Variants in TRMT44 observed in about 807,000 individuals in gnomAD.
TRMT44 encodes probable tRNA (uracil-O(2)-)-methyltransferase.
TRMT44 carries 78 observed loss-of-function variants against 77.3 expected under a neutral mutation model. The ratio of observed to expected loss-of-function variants is 1.01; its 90% CI spans 0.84 to 1.22. The LOEUF (loss-of-function observed/expected upper bound fraction) is 1.22. Among genes scored for constraint, TRMT44 ranks in the 50% most tolerant of loss-of-function variants. The pLI is 0.00. For missense variants in TRMT44, 1,090 were observed against 964.4 expected (o/e 1.13, Z -1.73); for synonymous variants, 391 against 383.3 (o/e 1.02, Z -0.23).
the TRMT44 span, among the ~76,000 whole-genome samples, chr4:8,499,783 C>T: frequency 0.014 from 2,171 of 152,154 alleles, 59 homozygotes; most frequent in African/African-American, 0.05. Context: ...GGAGGAGGGA[C>T]GGGTTCAGAA....
At chr4:8,449,044 C>T (rs540956330) in intron 2 of TRMT44, among the ~76,000 whole-genome samples, 2 of 152,330 alleles carry the variant, frequency 1.3e-5, no homozygotes, top group South Asian at 2.1e-4. Context: ...GTATCTGTCC[C>T]GCCAGTCCTC....
intron 8 of TRMT44, 56 bp downstream of exon 8, chr4:8,465,617 T>C: frequency 2.1e-6 from 3 of 1,462,502 alleles, no homozygotes; most frequent in Non-Finnish European, 2.8e-6. Flanking sequence ...GATGGAGAGC[T>C]CAGGGCTCTG....
At chr4:8,480,815 C>G (rs911031643), downstream of TRMT44, among the ~76,000 whole-genome samples, 4 of 152,114 alleles carry the variant, frequency 2.6e-5, no homozygotes, top group African/African-American at 7.2e-5. Context: ...TTATTTAACC[C>G]TATATATTAT....
In TRMT44 at chr4:8,461,537, C is replaced by T. The variant is rs551559772; in HGVS notation, c.1204-2448C>T. On this transcript the variant is annotated intron_variant, in intron 6 of 10. Coordinates refer to ENST00000389737, the MANE Select transcript of TRMT44 (RefSeq NM_152544.3). This position sits in a 1 kb window ranked among gnomAD's most constrained non-coding sequence, Gnocchi z 4.6. ...GCTGCTGAGGGTGCCCCTTGGAGAA[C>T]GGGCGGAGGCTCTAGTTCTTTAGCT... 9.9e-5 allele frequency among the ~76,000 whole-genome samples: 15 copies of T among 152,198 alleles called. No individual in the cohort carries two copies. The South Asian group carries it at 1.5e-3, about 15-fold the overall frequency.
chr4:8,496,631 G>C (rs1397252443), downstream of TRMT44, among the ~76,000 whole-genome samples: 1 of 152,116 alleles, frequency 6.6e-6, no homozygotes, highest in Non-Finnish European at 1.5e-5. Context: ...AATTGCTCAG[G>C]GTCACAGAGC....
At chr4:8,465,239 C>G (rs1245364458) in intron 7 of TRMT44, 139 bp from the exon 8 acceptor site, 2 of 821,668 alleles carry the variant, frequency 2.4e-6, no homozygotes, top group Non-Finnish European at 3.9e-6. Context: ...TTATATGCAA[C>G]AAAAAGAAAC....
At position 8,452,492 on chromosome 4, in the gene TRMT44, C is replaced by G. The variant is rs561265588; in HGVS notation, c.1024-390C>G. Among the ~76,000 whole-genome samples, 3 of 152,160 alleles carry G rather than the reference C, an allele frequency of 2.0e-5. No individual in the cohort carries two copies. Among genetic ancestry groups the G allele is most frequent in the Non-Finnish European group, 4.4e-5 (3 of 68,018 alleles). On this transcript the variant is annotated intron_variant, in intron 4 of 10. Coordinates refer to ENST00000389737, the MANE Select transcript of TRMT44 (RefSeq NM_152544.3). The surrounding 1 kb of genome is among the most constrained non-coding windows in gnomAD (Gnocchi z 5.7). ...CTCAAGCCTGTAATTCCCAGCACTT[C>G]GGGAGGCCGAGGCGGGCAGATCACT...
chr4:8,502,770 G>T, the TRMT44 span, among the ~76,000 whole-genome samples: 1 of 152,224 alleles, frequency 6.6e-6, no homozygotes, highest in African/African-American at 2.4e-5. Context: ...TGCCTTGGTG[G>T]ATGCTATTGG....
Position 8,446,570 on chromosome 4 carries a change from C to A in TRMT44, c.714C>A (p.Leu238=), listed in dbSNP as rs776548410. Residue 238 remains leucine (L), a synonymous_variant, in exon 2 of 11, where the codon CTC becomes CTA. Coordinates refer to ENST00000389737, the MANE Select transcript of TRMT44 (RefSeq NM_152544.3). This position sits in a 1 kb window ranked among gnomAD's most constrained non-coding sequence, Gnocchi z 4.3. ...VKMSNVYQIQ[L]SHSKEEWFIS... is the part of the protein sequence containing the mutation. ...TGAGCAATGTGTATCAAATTCAGCT[C>A]AGTCATAGCAAAGAAGAATGGTAAG... 1.3e-5 allele frequency: 20 copies of A among 1,535,390 alleles called. No homozygotes were observed. In the South Asian group the frequency reaches 2.4e-4, roughly 18 times the overall value.
At chr4:8,455,623 A>G (rs149913898) in intron 6 of TRMT44, among the ~76,000 whole-genome samples, 117 of 152,348 alleles carry the variant, frequency 7.7e-4, no homozygotes, top group African/African-American at 2.6e-3. Context: ...TTTAAAAAAT[A>G]ATATTTGTGA....
At chr4:8,447,223 C>G (rs1445797325) in intron 2 of TRMT44, among the ~76,000 whole-genome samples, 1 of 152,108 alleles carries the variant, frequency 6.6e-6, no homozygotes, top group Non-Finnish European at 1.5e-5. Context: ...GGTGATGGTT[C>G]CTTCTGTAGT....
At chr4:8,464,379 C>T (rs553490450) in intron 7 of TRMT44, among the ~76,000 whole-genome samples, 1 of 152,302 alleles carries the variant, frequency 6.6e-6, no homozygotes, top group East Asian at 1.9e-4. Flanking sequence ...GTGATTACTT[C>T]TACGGTATTT....
chr4:8,487,306 G>C (rs2109225895), intron 2 of TRMT44, among the ~76,000 whole-genome samples: 1 of 152,228 alleles, frequency 6.6e-6, no homozygotes, highest in Middle Eastern at 3.4e-3. Context: ...GAGGAATGGA[G>C]GGTGGAAGGT....
At chr4:8,485,034 C>A (rs945471794) in intron 2 of TRMT44, among the ~76,000 whole-genome samples, 1 of 152,038 alleles carries the variant, frequency 6.6e-6, no homozygotes, top group African/African-American at 2.4e-5. Flanking sequence ...AAAGGAGGGG[C>A]TACAAAGAAG....
intron 2 of TRMT44, among the ~76,000 whole-genome samples, chr4:8,490,640 C>G (rs540518305): frequency 3.5e-4 from 54 of 152,198 alleles, no homozygotes; most frequent in African/African-American, 1.2e-3. Flanking sequence ...TGCAGACCTT[C>G]GCGGTGAGTG....
intron 2 of TRMT44, among the ~76,000 whole-genome samples, chr4:8,447,885 A>G (rs935205605): frequency 6.6e-6 from 1 of 152,150 alleles, no homozygotes; most frequent in Non-Finnish European, 1.5e-5. Flanking sequence ...ATTAGCCAGA[A>G]AGTGGTGCCT....
rs2109088227 is a variant in TRMT44 at position 8,446,555 on chromosome 4, G to A, written c.699G>A (p.Val233=). The change falls in exon 2 of 11, where the codon GTG becomes GTA. Residue 233 remains valine, a synonymous_variant. Coordinates refer to ENST00000389737, the MANE Select transcript of TRMT44 (RefSeq NM_152544.3). This position sits in a 1 kb window ranked among gnomAD's most constrained non-coding sequence, Gnocchi z 4.3. Reference sequence around the variant, plus strand: ...ACCTAAAGGTTAAGATGAGCAATGTGTATCAAATTCAGCTCAGTCATAGCA... The same window carrying A: ...ACCTAAAGGTTAAGATGAGCAATGTATATCAAATTCAGCTCAGTCATAGCA... ...EGNLKVKMSN[V]YQIQLSHSKE... is the part of the protein sequence containing the mutation. 6 of 1,536,270 alleles carry A rather than the reference G, an allele frequency of 3.9e-6. No homozygotes were observed. Among genetic ancestry groups the A allele is most frequent in the African/African-American group, 1.4e-5 (1 of 73,164 alleles).
chr4:8,507,467 C>T, the TRMT44 span: 1 of 153,196 alleles, frequency 6.5e-6, no homozygotes, highest in Non-Finnish European at 1.5e-5. Flanking sequence ...TCCCCCAGCG[C>T]CTGCTCTGGG....
chr4:8,506,648 A>G, the TRMT44 span, among the ~76,000 whole-genome samples: 1 of 152,172 alleles, frequency 6.6e-6, no homozygotes. Context: ...GGAGCGGGCC[A>G]AGTGCTACGT....
Sources: allele counts gnomAD v4.1 joint callset (sites outside exome capture counted in the v4.1 genomes callset), GRCh38; gene constraint gnomAD v4.1.1; non-coding constraint Gnocchi (gnomAD v3.1); transcripts MANE v1.5; gene names NCBI Gene and HGNC (gene_info 2026-07-23, HGNC 2026-07-21).